Variants in DNHD1 observed in about 807,000 individuals in gnomAD.
DNHD1 encodes the protein dynein heavy chain domain 1.
A neutral mutation model predicts 458.1 loss-of-function variants in DNHD1; 383 were observed. The observed-to-expected ratio is 0.84, with a 90% CI of 0.77 to 0.91. The LOEUF is 0.91. Ranked by LOEUF, DNHD1 falls within the 40% of genes least tolerant of loss-of-function variation. The probability of loss-of-function intolerance (pLI) is 0.00; values close to 1 mark genes in which losing one functional copy is unlikely to be tolerated. For missense variants in DNHD1, 5,336 were observed against 5,866.1 expected, an observed-to-expected ratio of 0.91 and a Z score of 2.95; for synonymous variants, 2,203 against 2,376.9, an observed-to-expected ratio of 0.93 and a Z score of 2.13.
At position 6,545,416 on chromosome 11, in the gene DNHD1, C is replaced by A. The variant is rs1000009798; in HGVS notation, c.4477C>A (p.Gln1493Lys). The A allele has an allele frequency of 6.4e-7, 1 of 1,551,850 alleles. No homozygotes were observed. Among genetic ancestry groups the A allele is most frequent in the South Asian group, 1.2e-5 (1 of 84,068 alleles). ...QLPKQNKLYLQLYVQHWIDLV... is the reference protein window; with the variant it reads ...QLPKQNKLYLKLYVQHWIDLV... ...GCCCAAGCAAAACAAGTTGTACCTG[C>A]AACTGTATGTCCAGCACTGGATCGA... is the stretch of plus-strand genomic sequence containing the variant. Residue 1493 changes from glutamine to lysine, a missense_variant, in exon 21 of 43, where the codon CAA (glutamine) becomes AAA (lysine). Gln to Lys is a moderately conservative substitution (Grantham distance 53). Coordinates refer to ENST00000254579, the MANE Select transcript of DNHD1 (RefSeq NM_144666.3). The surrounding 1 kb of genome is among the most constrained non-coding windows in gnomAD (Gnocchi z 4.9).
chr11:6,556,427 C>A (rs1400033371), intron 24 of DNHD1, among the ~76,000 whole-genome samples: 3 of 152,160 alleles, frequency 2.0e-5, no homozygotes, highest in Admixed American at 2.0e-4. Flanking sequence ...AATGATTATT[C>A]ATTATTATCA....
intron 12 of DNHD1, among the ~76,000 whole-genome samples, chr11:6,532,078 A>G (rs889509308): frequency 4.6e-5 from 7 of 152,156 alleles, no homozygotes; most frequent in Non-Finnish European, 8.8e-5. Context: ...TTGTGAGGAT[A>G]AAATATAATT....
Position 6,571,928 on chromosome 11 carries a change from T to C in DNHD1, c.14204T>C (p.Leu4735Pro), listed in dbSNP as rs766716499. ...IVMHLPLPTK[L>P]TPNTCVQRRV... is the part of the protein sequence containing the mutation. The stretch of plus-strand genomic sequence containing the variant: ...ATGCATCTGCCTTTACCCACCAAGC[T>C]CACCCCCAACACCTGTGTCCAAAGG... Residue 4735 changes from leucine to proline, a missense_variant, in exon 43 of 43, where the codon CTC (leucine) becomes CCC (proline). Leu to Pro is a moderately conservative substitution (Grantham distance 98, BLOSUM62 -3). This residue lies in a region of DNHD1 where 698 missense variants were observed against 664.9 expected (regional missense o/e 1.05). Coordinates refer to ENST00000254579, the MANE Select transcript of DNHD1 (RefSeq NM_144666.3). The surrounding 1 kb of genome is among the most constrained non-coding windows in gnomAD (Gnocchi z 5.0). 1.2e-6 allele frequency: 2 copies of C among 1,613,958 alleles called. No individual in the cohort carries two copies. Among genetic ancestry groups the C allele is most frequent in the Non-Finnish European group, 8.5e-7 (1 of 1,179,882 alleles).
At chr11:6,560,157 G>A (rs959603460) in intron 28 of DNHD1, among the ~76,000 whole-genome samples, 2 of 152,096 alleles carry the variant, frequency 1.3e-5, no homozygotes, top group African/African-American at 4.8e-5. Flanking sequence ...TACTACACAA[G>A]ATGTTGATAA....
intron 4 of DNHD1, 89 bp downstream of exon 4, chr11:6,503,015 C>G (rs1013654195): frequency 1.4e-6 from 2 of 1,431,544 alleles, no homozygotes; most frequent in African/African-American, 2.9e-5. Context: ...ACGTGCGCAC[C>G]CTTCTCCCTG....
At chr11:6,519,369 C>T (rs777659866) in intron 7 of DNHD1, among the ~76,000 whole-genome samples, 5 of 152,146 alleles carry the variant, frequency 3.3e-5, no homozygotes, top group Non-Finnish European at 7.4e-5. Context: ...GCCTGGCCTA[C>T]CACATTAGCA....
Position 6,545,247 on chromosome 11 carries a change from T to TC in DNHD1, c.4312dup (p.Leu1438ProfsTer9). Reference sequence around the variant, plus strand: ...GTGGGGAGGAGGTGAAGCTGCAGGGTCCCCTTCCTCTGCATCCAGATCTCC... The same window carrying TC: ...GTGGGGAGGAGGTGAAGCTGCAGGGTCCCCCTTCCTCTGCATCCAGATCTCC... On this transcript the variant is annotated frameshift_variant, in exon 21 of 43. Transcript: ENST00000254579. This position sits in a 1 kb window ranked among gnomAD's most constrained non-coding sequence, Gnocchi z 4.9. The TC allele has an allele frequency of 6.4e-7, 1 of 1,551,660 alleles. No homozygotes were observed. Among genetic ancestry groups the TC allele is most frequent in the Non-Finnish European group, 8.7e-7 (1 of 1,146,988 alleles).
At chr11:6,533,377 G>C (rs1297559410) in intron 13 of DNHD1, among the ~76,000 whole-genome samples, 193 bp downstream of exon 13, 2 of 152,216 alleles carry the variant, frequency 1.3e-5, no homozygotes, top group Non-Finnish European at 2.9e-5. Context: ...GTCACAGGGA[G>C]GCCCTGGTGT....
chr11:6,565,637 C>T (rs1754856434), intron 32 of DNHD1, 58 bp from the exon 33 acceptor site: 8 of 1,463,614 alleles, frequency 5.5e-6, no homozygotes, highest in Middle Eastern at 1.8e-4. Flanking sequence ...GTGAATTCCT[C>T]CCCTAAGGAG....
rs1853861798 is a variant in DNHD1, at chr11:6,571,916, T to A, written c.14192T>A (p.Leu4731Ter). The A allele has an allele frequency of 1.1e-5, 17 of 1,614,038 alleles. No homozygotes were observed. The highest frequency in any genetic ancestry group is 1.4e-5 in the Non-Finnish European group (17 of 1,179,898). The change falls in exon 43 of 43, where the codon TTA becomes TAA. Residue 4731 changes from leucine (L) to a stop codon, truncating the protein, a stop_gained. Transcript: ENST00000254579. LOFTEE classifies it high-confidence loss of function. The surrounding 1 kb of genome is among the most constrained non-coding windows in gnomAD (Gnocchi z 5.0). ...AGGAACATCGTGATGCATCTGCCTTTACCCACCAAGCTCACCCCCAACACC... is the reference window on the plus strand; with the variant it reads ...AGGAACATCGTGATGCATCTGCCTTAACCCACCAAGCTCACCCCCAACACC... ...QSRNIVMHLP[L>*]PTKLTPNTCV...
At position 6,570,107 on chromosome 11, in the gene DNHD1, C is replaced by T. The variant is rs1279693619; in HGVS notation, c.12955+7C>T. On this transcript the variant is annotated splice_region_variant and intron_variant, in intron 40 of 42. Transcript: ENST00000254579. ...GCCATGCAAGAGCTGGCTGGTGAGA[C>T]CCTTCCTCTCCCCCTTGGAGTCATC... The T allele has an allele frequency of 9.3e-6, 15 of 1,613,804 alleles. No individual in the cohort carries two copies. The highest frequency in any genetic ancestry group is 1.1e-5 in the Non-Finnish European group (13 of 1,179,858).
rs528049828 is a variant in DNHD1, at chr11:6,502,697, C to G, written c.747-56C>G. On this transcript the variant is annotated intron_variant, in intron 3 of 42. Coordinates refer to ENST00000254579, the MANE Select transcript of DNHD1 (RefSeq NM_144666.3). ...TAGCCAACAGTGGCAAGGCCTCCCT[C>G]TAAGGTACTTGACCTTTTTACTCTG... The G allele has an allele frequency of 3.8e-4, 576 of 1,497,866 alleles. 1 individual carries two copies. Among genetic ancestry groups the G allele is most frequent in the Non-Finnish European group, 4.6e-4 (521 of 1,121,432 alleles). 92.8% of individuals were successfully genotyped at this position (1,497,866 alleles called of 1,614,324 possible).
intron 16 of DNHD1, 125 bp downstream of exon 16, chr11:6,538,935 C>A: frequency 9.3e-7 from 1 of 1,079,994 alleles, no homozygotes; most frequent in Non-Finnish European, 1.3e-6. Context: ...CCCTACCTTT[C>A]CCACATATTT....
chr11:6,528,657 G>T lies in DNHD1; in HGVS notation c.1973G>T (p.Gly658Val), dbSNP rs772006811. ...CCCTGGAAGTCTCACCCAATTGCTG[G>T]TATCTTGGAGGTCCGTGGATGTCGG... ...VWPWKSHPIA[G>V]ILEVRGCRLR... Residue 658 changes from glycine (G) to valine (V), a missense_variant, in exon 11 of 43, where the codon GGT becomes GTT. Gly to Val is a moderately radical substitution (Grantham distance 109). Coordinates refer to ENST00000254579, the MANE Select transcript of DNHD1 (RefSeq NM_144666.3). 1.9e-6 allele frequency: 3 copies of T among 1,551,720 alleles called. No individual in the cohort carries two copies. Among genetic ancestry groups the T allele is most frequent in the Middle Eastern group, 1.7e-4 (1 of 5,990 alleles).
At chr11:6,520,656 G>T in intron 10 of DNHD1, 1 of 1,079,060 alleles carries the variant, frequency 9.3e-7, no homozygotes, top group South Asian at 3.4e-5. Context: ...TGTTTGAAGA[G>T]CTCTGCTTGC....
At position 6,545,469 on chromosome 11, in the gene DNHD1, T is replaced by C. The variant is rs1196203226; in HGVS notation, c.4530T>C (p.Cys1510=). 1 of 1,551,726 alleles carries C rather than the reference T, an allele frequency of 6.4e-7. No individual in the cohort carries two copies. The highest frequency in any genetic ancestry group is 8.7e-7 in the Non-Finnish European group (1 of 1,147,028). ...IDLVQAFPWQ[C]VLVAEEVVWR... is the part of the protein sequence containing the mutation. ...TAGTCCAGGCCTTCCCATGGCAGTG[T>C]GTGCTGGTGGCAGAGGAGGTGGTAT... Residue 1510 remains cysteine (C), a synonymous_variant, in exon 21 of 43, where the codon TGT becomes TGC. Transcript: ENST00000254579. This position sits in a 1 kb window ranked among gnomAD's most constrained non-coding sequence, Gnocchi z 4.9.
At position 6,556,910 on chromosome 11, in the gene DNHD1, CAT is replaced by C; in HGVS notation, c.7616_7617del (p.His2539ArgfsTer9). 2 of 1,551,760 alleles carry C rather than the reference CAT, an allele frequency of 1.3e-6. No homozygotes were observed. The highest frequency in any genetic ancestry group is 1.7e-6 in the Non-Finnish European group (2 of 1,147,004). Reference protein sequence around the residue: ...SMTQATLLERHVPIIQAWLER... With the variant: ...SMTQATLLERXVPIIQAWLER... ...GACCCAGGCCACCCTGCTGGAAAGA[CAT>C]GTGCCTATCATTCAGGCTTGGCTTG... On this transcript the variant is annotated frameshift_variant, in exon 25 of 43. Coordinates refer to ENST00000254579, the MANE Select transcript of DNHD1 (RefSeq NM_144666.3). LOFTEE classifies it high-confidence loss of function.
chr11:6,536,469 A>G (rs1406360995), intron 14 of DNHD1, among the ~76,000 whole-genome samples: 1 of 151,872 alleles, frequency 6.6e-6, no homozygotes, highest in East Asian at 1.9e-4. Context: ...AATAGTTCAG[A>G]AAAAAAAATT....
Position 6,568,237 on chromosome 11 carries a change from C to T in DNHD1, c.12533C>T (p.Ala4178Val). The T allele has an allele frequency of 6.5e-7, 1 of 1,548,464 alleles. No individual in the cohort carries two copies. Among genetic ancestry groups the T allele is most frequent in the Non-Finnish European group, 8.7e-7 (1 of 1,144,454 alleles). Residue 4178 changes from alanine (A) to valine (V), a missense_variant, in exon 37 of 43, where the codon GCC becomes GTC. Transcript: ENST00000254579. ...LQLLLELLGR[A>V]KVVADLESEQ... Reference sequence around the variant, plus strand: ...CTCTTGCTGGAACTGTTAGGCAGAGCCAAGGGTGAGTTTATTGCCTAGATT... The same window carrying T: ...CTCTTGCTGGAACTGTTAGGCAGAGTCAAGGGTGAGTTTATTGCCTAGATT...
Sources: allele counts gnomAD v4.1 joint callset (sites outside exome capture counted in the v4.1 genomes callset), GRCh38; gene constraint gnomAD v4.1.1; regional missense constraint gnomAD v4.1.1; non-coding constraint Gnocchi (gnomAD v3.1); transcripts MANE v1.5; gene names NCBI Gene and HGNC (gene_info 2026-07-23, HGNC 2026-07-21).